ZWILCH: variants seen among roughly 807,000 people sequenced by gnomAD.
ZWILCH encodes the protein protein zwilch homolog.
A neutral mutation model predicts 79.9 loss-of-function variants in ZWILCH; 74 were observed. The ratio of observed to expected loss-of-function variants is 0.93; its 90% CI spans 0.77 to 1.12. The LOEUF is 1.12. ZWILCH is among the 50% of genes most tolerant of loss of function. The pLI is 0.00. For missense variants in ZWILCH, 694 were observed against 687.5 expected (o/e 1.01, Z -0.11); for synonymous variants, 241 against 228.2 (o/e 1.06, Z -0.51).
In ZWILCH at chr15:66,534,532, G is replaced by A. The variant is rs142330277; in HGVS notation, c.1342-1401G>A. 3.0e-3 allele frequency among the ~76,000 whole-genome samples: 460 copies of A among 152,202 alleles called. 2 individuals carry two copies. Among genetic ancestry groups the A allele is most frequent in the African/African-American group, 0.01 (422 of 41,518 alleles). On this transcript the variant is annotated intron_variant, in intron 14 of 18. Coordinates refer to ENST00000307897, the MANE Select transcript of ZWILCH (RefSeq NM_017975.5). ...TATTGTTCAAATTTCAGGGAGTGGC[G>A]TAAACAAACTTAGATGGTATAACCT...
chr15:66,527,404 A>G, intron 9 of ZWILCH, 21 bp downstream of exon 9: 1 of 1,572,376 alleles, frequency 6.4e-7, no homozygotes, highest in Middle Eastern at 1.7e-4. Flanking sequence ...TGTTTTATTA[A>G]TTGAGAATTT....
chr15:66,517,204 G>C (rs1486553124), intron 4 of ZWILCH, among the ~76,000 whole-genome samples: 1 of 151,524 alleles, frequency 6.6e-6, no homozygotes, highest in Non-Finnish European at 1.5e-5. Context: ...TTCACCAATT[G>C]CTTAGATTTT....
At chr15:66,531,933 G>A (rs79133345) in intron 12 of ZWILCH, among the ~76,000 whole-genome samples, 101 of 152,180 alleles carry the variant, frequency 6.6e-4, no homozygotes, top group African/African-American at 2.4e-3. Flanking sequence ...CAGGTGCAGT[G>A]GCATGCTCCT....
intron 1 of ZWILCH, among the ~76,000 whole-genome samples, chr15:66,506,497 C>T (rs1365947382): frequency 1.3e-5 from 2 of 152,032 alleles, no homozygotes; most frequent in Non-Finnish European, 2.9e-5. Flanking sequence ...GGCAAGACCC[C>T]GTCTCTACTA....
At chr15:66,541,117 A>C (rs75887680) in intron 17 of ZWILCH, among the ~76,000 whole-genome samples, 1 of 145,932 alleles carries the variant, frequency 6.9e-6, no homozygotes, top group Admixed American at 6.8e-5. Context: ...CATCTCTACA[A>C]AAAAAAAAAA....
At chr15:66,517,726 CTTTTTTTTTTTTTTT>C (rs1161719182) in intron 4 of ZWILCH, among the ~76,000 whole-genome samples, 1 of 58,274 alleles carries the variant, frequency 1.7e-5, no homozygotes, top group East Asian at 4.6e-4. Flanking sequence ...CTTTTCTTTC[CTTTTTTTTTTTTTTT>C]TTTTTTTTTT....
chr15:66,544,724 T>TTTTTTTTTTTTTGTGTG (rs145952622), intron 17 of ZWILCH, among the ~76,000 whole-genome samples: 3 of 128,490 alleles, frequency 2.3e-5, no homozygotes, highest in Non-Finnish European at 3.2e-5. Context: ...TTTTTGGTTT[T>TTTTTTTTTTTTTGTGTG]TGTGTGTGTG....
intron 15 of ZWILCH, 70 bp from the exon 16 acceptor site, chr15:66,537,098 T>G: frequency 8.1e-7 from 1 of 1,240,646 alleles, no homozygotes; most frequent in Non-Finnish European, 1.2e-6. Context: ...CTTACGAGCT[T>G]TAGACTACCA....
chr15:66,532,855 A>C, intron 13 of ZWILCH, 130 bp from the exon 14 acceptor site: 1 of 644,314 alleles, frequency 1.6e-6, no homozygotes, highest in Non-Finnish European at 2.3e-6. Flanking sequence ...AACTATAAAA[A>C]ATTTATATAG....
intron 7 of ZWILCH, among the ~76,000 whole-genome samples, chr15:66,521,660 T>G (rs1387172318): frequency 6.6e-6 from 1 of 152,022 alleles, no homozygotes; most frequent in Non-Finnish European, 1.5e-5. Flanking sequence ...CACACCTAAT[T>G]TTTTAACTTT....
intron 17 of ZWILCH, among the ~76,000 whole-genome samples, chr15:66,541,770 A>T (rs1895199197): frequency 6.6e-6 from 1 of 152,220 alleles, no homozygotes; most frequent in Non-Finnish European, 1.5e-5. Flanking sequence ...ATATGTAAAG[A>T]TTATTTGAAA....
rs11071898 is a variant in ZWILCH, at chr15:66,548,695, G to A, written c.*371G>A. 38,282 of 557,720 alleles carry A rather than the reference G, an allele frequency of 0.069. 1,552 individuals carry two copies. Among genetic ancestry groups the A allele is most frequent in the Middle Eastern group, 0.13 (487 of 3,620 alleles). The allele number at this position is 557,720 out of a possible 1,614,324, so 34.5% of individuals were successfully genotyped here. On this transcript the variant is annotated 3_prime_UTR_variant, in exon 19 of 19. Transcript: ENST00000307897. Reference sequence around the variant, plus strand: ...ATCCCAAAAGCTTTAACTGTATTGGGAAAACTTAAAAAATAGCATCCTCAA... The same window carrying A: ...ATCCCAAAAGCTTTAACTGTATTGGAAAAACTTAAAAAATAGCATCCTCAA...
intron 17 of ZWILCH, among the ~76,000 whole-genome samples, chr15:66,542,663 A>AT (rs112779641): frequency 3.3e-5 from 5 of 152,194 alleles, no homozygotes; most frequent in African/African-American, 1.2e-4. Flanking sequence ...CAATAGAAAA[A>AT]TTGATAGTAA....
intron 16 of ZWILCH, among the ~76,000 whole-genome samples, 200 bp from the exon 17 acceptor site, chr15:66,539,898 A>T (rs569567431): frequency 6.7e-6 from 1 of 150,302 alleles, no homozygotes; most frequent in South Asian, 2.1e-4. Context: ...CTGTTGTAGC[A>T]TTTTTTTTTC....
At chr15:66,544,442 C>T (rs995868383) in intron 17 of ZWILCH, among the ~76,000 whole-genome samples, 1 of 151,746 alleles carries the variant, frequency 6.6e-6, no homozygotes, top group Admixed American at 6.6e-5. Flanking sequence ...AGCAATCCTC[C>T]TACTTCAGCG....
Position 66,548,692 on chromosome 15 carries a change from T to G in ZWILCH, c.*368T>G, listed in dbSNP as rs1479082708. 1.7e-6 allele frequency: 1 copy of G among 576,190 alleles called. No individual in the cohort carries two copies. Among genetic ancestry groups the G allele is most frequent in the African/African-American group, 1.9e-5 (1 of 53,546 alleles). 35.7% of individuals were successfully genotyped at this position (576,190 alleles called of 1,614,324 possible). A position where few individuals can be genotyped will look rare whatever the true frequency, so the allele number is the denominator to read the frequency against. ...TTTATCCCAAAAGCTTTAACTGTAT[T>G]GGGAAAACTTAAAAAATAGCATCCT... On this transcript the variant is annotated 3_prime_UTR_variant, in exon 19 of 19. Transcript: ENST00000307897.
At chr15:66,523,064 T>G (rs1894555514) in intron 7 of ZWILCH, among the ~76,000 whole-genome samples, 1 of 152,174 alleles carries the variant, frequency 6.6e-6, no homozygotes, top group Non-Finnish European at 1.5e-5. Flanking sequence ...CTCAACTGAT[T>G]CACTCACCTC....
At chr15:66,525,514 C>G (rs760729582) in intron 8 of ZWILCH, among the ~76,000 whole-genome samples, 7 of 152,134 alleles carry the variant, frequency 4.6e-5, no homozygotes, top group Non-Finnish European at 8.8e-5. Context: ...CCTTTGAAGT[C>G]TCTTTCACTG....
At chr15:66,525,138 C>T (rs1028032322) in intron 8 of ZWILCH, among the ~76,000 whole-genome samples, 6 of 152,210 alleles carry the variant, frequency 3.9e-5, no homozygotes, top group African/African-American at 1.4e-4. Flanking sequence ...TCCCATCGTT[C>T]CTTCAATTTC....
Sources: gnomAD v4.1 joint callset for allele counts (sites outside exome capture counted in the v4.1 genomes callset) on GRCh38, gnomAD v4.1.1 for gene constraint, MANE v1.5 for transcripts, NCBI Gene and HGNC (gene_info 2026-07-23, HGNC 2026-07-21) for gene names.